The following MEIS1 variants were observed in gnomAD, a reference collection of about 807,000 sequenced individuals.
The protein encoded by MEIS1 is Meis homeobox 1.
A neutral mutation model predicts 50.8 loss-of-function variants in MEIS1; 5 were observed. The ratio of observed to expected loss-of-function variants is 0.10; its 90% CI spans 0.05 to 0.21. The LOEUF is 0.21. Among genes scored for constraint, MEIS1 ranks in the 10% least tolerant of loss-of-function variants. MEIS1 has a pLI of 1.00. For missense variants in MEIS1, 318 were observed against 517.3 expected (o/e 0.61, Z 3.74); for synonymous variants, 176 against 179.3 (o/e 0.98, Z 0.15).
Position 66,442,245 on chromosome 2 carries a change from T to A in MEIS1, c.484-657T>A, listed in dbSNP as rs919775793. Among the ~76,000 whole-genome samples the A allele has an allele frequency of 8.6e-5, 13 of 150,454 alleles. No individual in the cohort carries two copies. The East Asian group carries it at 2.5e-3, about 29-fold the overall frequency. On this transcript the variant is annotated intron_variant, in intron 5 of 12. Coordinates refer to ENST00000272369, the MANE Select transcript of MEIS1 (RefSeq NM_002398.3). ...AACCTCTGCACTTACACTTAAATAT[T>A]TTGAGGCATTCCTTCTCCTTTTTGT... is the stretch of plus-strand genomic sequence containing the variant.
At chr2:66,459,086 G>A (rs1189259252) in intron 6 of MEIS1, among the ~76,000 whole-genome samples, 1 of 152,182 alleles carries the variant, frequency 6.6e-6, no homozygotes, top group East Asian at 1.9e-4. Context: ...GATGGTCTGA[G>A]CTCTCAGAGC....
At chr2:66,500,565 C>T (rs892887752) in intron 7 of MEIS1, among the ~76,000 whole-genome samples, 13 of 152,114 alleles carry the variant, frequency 8.5e-5, no homozygotes, top group African/African-American at 3.1e-4. Context: ...GCTGGGATTA[C>T]AGGCATGCAT....
intron 9 of MEIS1, among the ~76,000 whole-genome samples, chr2:66,559,819 C>T (rs1675167239): frequency 6.6e-6 from 1 of 151,980 alleles, no homozygotes; most frequent in Non-Finnish European, 1.5e-5. Flanking sequence ...TAAATATAAA[C>T]CCTGTCTCAT....
chr2:66,482,940 C>T (rs954346060), intron 7 of MEIS1, among the ~76,000 whole-genome samples: 1 of 152,164 alleles, frequency 6.6e-6, no homozygotes, highest in Non-Finnish European at 1.5e-5. Context: ...TTTAATAAAT[C>T]AGATTTCTAC....
chr2:66,458,217 T>A (rs1393569986), intron 6 of MEIS1, among the ~76,000 whole-genome samples: 1 of 151,868 alleles, frequency 6.6e-6, no homozygotes, highest in Non-Finnish European at 1.5e-5. Flanking sequence ...GGTGAATGAC[T>A]GACTGGGAAG....
At chr2:66,531,080 G>A (rs1477652548) in intron 8 of MEIS1, among the ~76,000 whole-genome samples, 2 of 152,170 alleles carry the variant, frequency 1.3e-5, no homozygotes, top group African/African-American at 4.8e-5. Flanking sequence ...ACGTTAACAG[G>A]TGAACAATCT....
chr2:66,493,497 A>C (rs1462685057), intron 7 of MEIS1, among the ~76,000 whole-genome samples: 1 of 152,156 alleles, frequency 6.6e-6, no homozygotes, highest in African/African-American at 2.4e-5. Context: ...TTTCCTTATA[A>C]ATGAATTATC....
intron 6 of MEIS1, among the ~76,000 whole-genome samples, chr2:66,447,319 C>T (rs1672176123): frequency 6.6e-6 from 1 of 152,160 alleles, no homozygotes; most frequent in Admixed American, 6.5e-5. Context: ...CGTAGGTTCC[C>T]ACTTAATGCC....
intron 8 of MEIS1, among the ~76,000 whole-genome samples, chr2:66,526,902 C>A (rs1475007860): frequency 1.3e-5 from 2 of 152,030 alleles, no homozygotes; most frequent in Non-Finnish European, 1.5e-5. Flanking sequence ...AGTCTCAGGC[C>A]CACACCTTGA....
intron 6 of MEIS1, among the ~76,000 whole-genome samples, chr2:66,462,086 A>G (rs781388882): frequency 5.1e-4 from 77 of 152,342 alleles, no homozygotes; most frequent in Non-Finnish European, 1.0e-3. Flanking sequence ...TCATTAAAAG[A>G]TAGTGAATAT....
intron 8 of MEIS1, among the ~76,000 whole-genome samples, chr2:66,520,842 A>G (rs956836719): frequency 6.6e-6 from 1 of 152,232 alleles, no homozygotes; most frequent in African/African-American, 2.4e-5. Flanking sequence ...AAAGCGAGGA[A>G]CTGGCTGAGC....
chr2:66,446,731 G>T (rs1197948306), intron 6 of MEIS1, among the ~76,000 whole-genome samples: 2 of 152,196 alleles, frequency 1.3e-5, no homozygotes. Context: ...GAACCAGAGA[G>T]CCACGCTCGC....
chr2:66,468,925 A>C (rs902728648), intron 7 of MEIS1, among the ~76,000 whole-genome samples: 2 of 152,238 alleles, frequency 1.3e-5, no homozygotes, highest in Non-Finnish European at 2.9e-5. Flanking sequence ...TTAAGAGCCT[A>C]TATCATTTCA....
intron 8 of MEIS1, among the ~76,000 whole-genome samples, chr2:66,532,464 T>C (rs1457161315): frequency 1.3e-5 from 2 of 151,872 alleles, no homozygotes; most frequent in African/African-American, 4.8e-5. Context: ...CTCACCCCAA[T>C]TGTGCCTTCT....
chr2:66,485,946 G>C (rs1673132593), intron 7 of MEIS1, among the ~76,000 whole-genome samples: 1 of 151,978 alleles, frequency 6.6e-6, no homozygotes, highest in South Asian at 2.1e-4. Context: ...TCATGGGATT[G>C]TGTTTTTTTC....
At chr2:66,440,049 A>ACCCGTGCG in intron 3 of MEIS1, 65 bp downstream of exon 3, 1 of 1,078,534 alleles carries the variant, frequency 9.3e-7, no homozygotes, top group Non-Finnish European at 1.2e-6. Flanking sequence ...GCCAACACAC[A>ACCCGTGCG]CGCGCGCGCG....
rs749821588 is a variant in MEIS1, at chr2:66,571,238, T to A, written c.*38-8T>A. ...TCTTTTTGTTTCTTTCTTTTGAATT[T>A]CTTACAGGGCTGCAAAGTATGCCAG... On this transcript the variant is annotated splice_region_variant and splice_polypyrimidine_tract_variant and intron_variant, in intron 12 of 12. Coordinates refer to ENST00000272369, the MANE Select transcript of MEIS1 (RefSeq NM_002398.3). 5.1e-6 allele frequency: 8 copies of A among 1,567,388 alleles called. No homozygotes were observed. Among genetic ancestry groups the A allele is most frequent in the Non-Finnish European group, 6.0e-6 (7 of 1,158,438 alleles).
At chr2:66,446,122 G>C (rs574038509) in intron 6 of MEIS1, among the ~76,000 whole-genome samples, 2 of 152,186 alleles carry the variant, frequency 1.3e-5, no homozygotes, top group East Asian at 1.9e-4. Flanking sequence ...CAGAGGGAGA[G>C]GGGGGCCATG....
intron 9 of MEIS1, among the ~76,000 whole-genome samples, chr2:66,551,233 G>A (rs1176739826): frequency 6.6e-6 from 1 of 152,126 alleles, no homozygotes; most frequent in Non-Finnish European, 1.5e-5. Context: ...CATTTTAATG[G>A]TTCTTTCACT....
Sources: gnomAD v4.1 joint callset for allele counts (sites outside exome capture counted in the v4.1 genomes callset) on GRCh38, gnomAD v4.1.1 for gene constraint, MANE v1.5 for transcripts, NCBI Gene and HGNC (gene_info 2026-07-23, HGNC 2026-07-21) for gene names.